TAFA1: variants seen among roughly 807,000 people sequenced by gnomAD.
The protein encoded by TAFA1 is TAFA chemokine like family member 1.
TAFA1 carries 4 observed loss-of-function variants against 18.5 expected under a neutral mutation model. The ratio of observed to expected loss-of-function variants is 0.22; its 90% CI spans 0.11 to 0.49. The LOEUF is 0.49. TAFA1 is among the 20% of genes least tolerant of loss of function. The pLI is 0.98. For missense variants in TAFA1, 147 were observed against 169.0 expected (o/e 0.87, Z 0.72); for synonymous variants, 56 against 55.2 (o/e 1.01, Z -0.06).
chr3:68,316,281 G>GGA (rs2068604017), intron 2 of TAFA1, among the ~76,000 whole-genome samples: 1 of 152,142 alleles, frequency 6.6e-6, no homozygotes, highest in African/African-American at 2.4e-5. Context: ...AGTCCACTGG[G>GGA]GAGGACTCCC....
At chr3:68,301,062 C>T (rs1292307497) in intron 2 of TAFA1, among the ~76,000 whole-genome samples, 1 of 152,100 alleles carries the variant, frequency 6.6e-6, no homozygotes, top group Non-Finnish European at 1.5e-5. Flanking sequence ...AAATATTTAG[C>T]ACCTTTAGTA....
At chr3:68,124,258 C>T (rs767565004) in intron 2 of TAFA1, among the ~76,000 whole-genome samples, 5 of 152,170 alleles carry the variant, frequency 3.3e-5, no homozygotes, top group Non-Finnish European at 5.9e-5. Flanking sequence ...GAAGCTTCTT[C>T]TATTTTCTTT....
At chr3:68,263,263 A>C (rs13084985) in intron 2 of TAFA1, among the ~76,000 whole-genome samples, 17,062 of 152,046 alleles carry the variant, frequency 0.11, 994 homozygotes, top group African/African-American at 0.13. Flanking sequence ...ATACGGTGGA[A>C]TTTCACTGTG....
chr3:68,430,586 A>G (rs1004838854), intron 3 of TAFA1, among the ~76,000 whole-genome samples: 1 of 151,962 alleles, frequency 6.6e-6, no homozygotes, highest in Non-Finnish European at 1.5e-5. Context: ...CAGTATTGAG[A>G]GCCCTCTATA....
chr3:67,998,803 A>C, the TAFA1 span, among the ~76,000 whole-genome samples: 1 of 152,152 alleles, frequency 6.6e-6, no homozygotes, highest in Admixed American at 6.5e-5. Flanking sequence ...ATCAAACCCA[A>C]CTGCAAGTGA....
chr3:68,289,413 T>C (rs1188801708), intron 2 of TAFA1, among the ~76,000 whole-genome samples: 3 of 139,142 alleles, frequency 2.2e-5, no homozygotes, highest in African/African-American at 8.0e-5. Context: ...GTCTCCATTA[T>C]TATTTTGTAG....
chr3:68,519,264 G>A (rs1334241999), intron 3 of TAFA1, among the ~76,000 whole-genome samples: 3 of 152,166 alleles, frequency 2.0e-5, no homozygotes, highest in African/African-American at 7.2e-5. Flanking sequence ...GTCTCTTTCT[G>A]CCATGTAAGG....
At chr3:68,389,269 C>T (rs766188586) in intron 2 of TAFA1, among the ~76,000 whole-genome samples, 3 of 152,122 alleles carry the variant, frequency 2.0e-5, no homozygotes, top group Admixed American at 6.5e-5. Flanking sequence ...TTTCTAGGCT[C>T]ACATTTTTTA....
chr3:68,351,715 C>T (rs1399979167), intron 2 of TAFA1, among the ~76,000 whole-genome samples: 1 of 151,926 alleles, frequency 6.6e-6, no homozygotes, highest in Non-Finnish European at 1.5e-5. Context: ...GAGAAAAGCT[C>T]TTGTAATAGA....
intron 4 of TAFA1, among the ~76,000 whole-genome samples, chr3:68,539,590 C>A (rs1468824039): frequency 6.7e-6 from 1 of 149,470 alleles, no homozygotes; most frequent in Non-Finnish European, 1.5e-5. Context: ...AAAAGTATGT[C>A]TATTTGACAA....
At chr3:68,268,860 C>T (rs2067602649) in intron 2 of TAFA1, among the ~76,000 whole-genome samples, 2 of 152,132 alleles carry the variant, frequency 1.3e-5, no homozygotes, top group Non-Finnish European at 2.9e-5. Flanking sequence ...GAGTGGCTGA[C>T]ACAAACTCAT....
chr3:68,021,431 G>A (rs907669703), intron 2 of TAFA1, among the ~76,000 whole-genome samples: 3 of 151,926 alleles, frequency 2.0e-5, no homozygotes, highest in Admixed American at 1.3e-4. Context: ...TTCTTGGGAT[G>A]TTTTTTTCTT....
At chr3:68,054,234 G>A (rs1187461360) in intron 2 of TAFA1, among the ~76,000 whole-genome samples, 1 of 152,138 alleles carries the variant, frequency 6.6e-6, no homozygotes, top group Non-Finnish European at 1.5e-5. Context: ...TGGACCTCTT[G>A]TGAGTAGATG....
intron 2 of TAFA1, among the ~76,000 whole-genome samples, chr3:68,389,149 A>C (rs1042420124): frequency 6.6e-6 from 1 of 152,296 alleles, no homozygotes; most frequent in South Asian, 2.1e-4. Flanking sequence ...ATGCCTAGAC[A>C]GTCTTTATTC....
chr3:68,198,794 A>G (rs2066441235), intron 2 of TAFA1, among the ~76,000 whole-genome samples: 1 of 151,506 alleles, frequency 6.6e-6, no homozygotes, highest in African/African-American at 2.4e-5. Flanking sequence ...GCCTCTACAA[A>G]TATTTTCACC....
intron 2 of TAFA1, among the ~76,000 whole-genome samples, chr3:68,058,177 C>T (rs1020930338): frequency 6.6e-6 from 1 of 152,104 alleles, no homozygotes; most frequent in Non-Finnish European, 1.5e-5. Context: ...AAGTTCACAG[C>T]TCTATCACTT....
At chr3:68,512,675 TG>T (rs2072866173) in intron 3 of TAFA1, among the ~76,000 whole-genome samples, 1 of 120,612 alleles carries the variant, frequency 8.3e-6, no homozygotes, top group Non-Finnish European at 1.7e-5. Flanking sequence ...GGTTTTTTGC[TG>T]GTTTTTTGTT....
At chr3:68,113,888 GTTTTTTTTGTTT>G (rs1181227914) in intron 2 of TAFA1, among the ~76,000 whole-genome samples, 1 of 57,862 alleles carries the variant, frequency 1.7e-5, no homozygotes, top group Non-Finnish European at 3.0e-5. Context: ...TTGGGGTGTA[GTTTTTTTTGTTT>G]TTTTTTTTTT....
chr3:67,993,735 C>T, the TAFA1 span, among the ~76,000 whole-genome samples: 3 of 152,246 alleles, frequency 2.0e-5, no homozygotes, highest in African/African-American at 7.2e-5. Context: ...TTACTTTGCT[C>T]AGAAAATCTG....
Sources: gnomAD v4.1 joint callset for allele counts (sites outside exome capture counted in the v4.1 genomes callset) on GRCh38, gnomAD v4.1.1 for gene constraint, MANE v1.5 for transcripts, NCBI Gene and HGNC (gene_info 2026-07-23, HGNC 2026-07-21) for gene names.